Variants in PCDHGB2 observed in about 807,000 individuals in gnomAD.
PCDHGB2 encodes the protein protocadherin gamma-B2.
Under a neutral mutation model 59.3 loss-of-function variants are expected in PCDHGB2, and 55 were observed. The ratio of observed to expected loss-of-function variants is 0.93; its 90% CI spans 0.75 to 1.16. The LOEUF (loss-of-function observed/expected upper bound fraction) is 1.16. PCDHGB2 is among the 50% of genes most tolerant of loss of function. PCDHGB2 has a pLI of 0.00. For missense variants in PCDHGB2, 1,228 were observed against 1,198.5 expected, an observed-to-expected ratio of 1.02 and a Z score of -0.36; for synonymous variants, 516 against 512.0, an observed-to-expected ratio of 1.01 and a Z score of -0.11.
At chr5:141,409,516 C>T (rs1303826331) in intron 1 of PCDHGB2, 6 of 1,614,006 alleles carry the variant, frequency 3.7e-6, no homozygotes, top group South Asian at 1.1e-5. Context: ...GTAGAAGCAT[C>T]ACCTTGTATG....
rs1256615029 is a variant in PCDHGB2 at position 141,512,740 on chromosome 5, C to T, written c.*1567C>T. ...GCGGGTGGGCAGCGGGCGGCGGGCT[C>T]CGCGCAGCCGTCTGTCCTTGATCTG... On this transcript the variant is annotated 3_prime_UTR_variant, in exon 4 of 4. Transcript: ENST00000522605. 1 of 152,788 alleles carries T rather than the reference C, an allele frequency of 6.5e-6. No individual in the cohort carries two copies. The highest frequency in any genetic ancestry group is 1.5e-5 in the Non-Finnish European group (1 of 68,570). The allele number at this position is 152,788 out of a possible 1,614,324, so 9.5% of individuals were successfully genotyped here.
chr5:141,443,226 A>T (rs2098374954), intron 1 of PCDHGB2, among the ~76,000 whole-genome samples: 1 of 152,042 alleles, frequency 6.6e-6, no homozygotes, highest in Non-Finnish European at 1.5e-5. Flanking sequence ...CGCATCTATA[A>T]TCTTAGCACT....
intron 1 of PCDHGB2, chr5:141,408,855 G>A: frequency 6.2e-7 from 1 of 1,613,572 alleles, no homozygotes; most frequent in Non-Finnish European, 8.5e-7. Flanking sequence ...TTGGACGGAG[G>A]GGACCCACCA....
intron 1 of PCDHGB2, chr5:141,395,341 G>T: frequency 7.1e-7 from 1 of 1,409,696 alleles, no homozygotes; most frequent in Non-Finnish European, 9.4e-7. Flanking sequence ...AATTTTTAAG[G>T]TGTATCACAG....
chr5:141,457,806 G>A (rs1321207711), intron 1 of PCDHGB2, among the ~76,000 whole-genome samples: 1 of 152,150 alleles, frequency 6.6e-6, no homozygotes, highest in Non-Finnish European at 1.5e-5. Context: ...CTCCTCTTGA[G>A]GTCCCAAGAT....
At chr5:141,474,658 A>G (rs950490550) in intron 1 of PCDHGB2, among the ~76,000 whole-genome samples, 13 of 152,176 alleles carry the variant, frequency 8.5e-5, no homozygotes, top group African/African-American at 3.1e-4. Flanking sequence ...CTTCTTTTCT[A>G]CCTACCTAAC....
intron 1 of PCDHGB2, chr5:141,409,242 T>C (rs372196346): frequency 1.4e-5 from 22 of 1,613,864 alleles, no homozygotes; most frequent in Middle Eastern, 1.6e-4. Context: ...AGCCCAGAAA[T>C]AATCATCACT....
chr5:141,377,732 C>A (rs554693714), intron 1 of PCDHGB2: 2 of 152,264 alleles, frequency 1.3e-5, no homozygotes, highest in African/African-American at 4.8e-5. Flanking sequence ...AGATAAGAAT[C>A]ATTGGTAACT....
chr5:141,395,162 G>C, intron 1 of PCDHGB2: 1 of 1,614,148 alleles, frequency 6.2e-7, no homozygotes, highest in Non-Finnish European at 8.5e-7. Flanking sequence ...TCAGTCAGGA[G>C]GGCTGTGAGA....
Position 141,512,147 on chromosome 5 carries a change from GGCTGA to G in PCDHGB2, c.*978_*982del, listed in dbSNP as rs1406468661. The G allele has an allele frequency of 1.3e-5, 2 of 152,652 alleles. No homozygotes were observed. Among genetic ancestry groups the G allele is most frequent in the Admixed American group, 6.5e-5 (1 of 15,286 alleles). The allele number at this position is 152,652 out of a possible 1,614,324, so 9.5% of individuals were successfully genotyped here. A position where few individuals can be genotyped will look rare whatever the true frequency, so the allele number is the denominator to read the frequency against. On this transcript the variant is annotated 3_prime_UTR_variant, in exon 4 of 4. Coordinates refer to ENST00000522605, the MANE Select transcript of PCDHGB2 (RefSeq NM_018923.3). ...GGCTCAGCCCAGGCAGCCAGCTTTG[GGCTGA>G]GCTAACAGGACCAATGGATTAAACT... is the stretch of plus-strand genomic sequence containing the variant.
Position 141,490,973 on chromosome 5 carries a change from G to A in PCDHGB2, c.2422-3834G>A, listed in dbSNP as rs774983500. 5.0e-6 allele frequency: 8 copies of A among 1,613,932 alleles called. No homozygotes were observed. The highest frequency in any genetic ancestry group is 2.2e-5 in the East Asian group (1 of 44,878). On this transcript the variant is annotated intron_variant, in intron 1 of 3. Transcript: ENST00000522605. The surrounding 1 kb of genome is among the most constrained non-coding windows in gnomAD (Gnocchi z 5.4). ...GACTGGGAACACTCAGCCCCCCAGC[G>A]TCTCCCTCGCTCTGCTCCTCCTGGC...
intron 1 of PCDHGB2, among the ~76,000 whole-genome samples, chr5:141,397,686 T>C (rs963267542): frequency 7.2e-5 from 11 of 152,372 alleles, no homozygotes; most frequent in Middle Eastern, 3.4e-3. Flanking sequence ...TGCAGGTTTG[T>C]ATAAAAACCC....
intron 1 of PCDHGB2, chr5:141,413,487 G>A (rs1190400492): frequency 1.9e-6 from 3 of 1,613,928 alleles, no homozygotes; most frequent in African/African-American, 2.7e-5. Context: ...CTCAGAGCGC[G>A]CGGTGCGTGG....
At position 141,415,520 on chromosome 5, in the gene PCDHGB2, C is replaced by A. The variant is rs200535016; in HGVS notation, c.2421+52964C>A. The A allele has an allele frequency of 1.8e-4, 288 of 1,614,072 alleles. 3 individuals carry two copies. The highest frequency in any genetic ancestry group is 6.7e-5 in the Non-Finnish European group (79 of 1,180,044). On this transcript the variant is annotated intron_variant, in intron 1 of 3. Coordinates refer to ENST00000522605, the MANE Select transcript of PCDHGB2 (RefSeq NM_018923.3). Reference sequence around the variant, plus strand: ...TTCCCCCAGCCCAATTATGCGGACACGCTCATCAGCCAGGAGAGCTGTGAG... The same window carrying A: ...TTCCCCCAGCCCAATTATGCGGACAAGCTCATCAGCCAGGAGAGCTGTGAG...
intron 1 of PCDHGB2, chr5:141,374,219 G>C: frequency 6.2e-7 from 1 of 1,614,020 alleles, no homozygotes; most frequent in African/African-American, 1.3e-5. Flanking sequence ...CTCCTTCGTA[G>C]GCAACATCGT....
At chr5:141,503,936 C>G (rs2099834285) in intron 2 of PCDHGB2, among the ~76,000 whole-genome samples, 1 of 152,186 alleles carries the variant, frequency 6.6e-6, no homozygotes, top group Non-Finnish European at 1.5e-5. Flanking sequence ...CATTTTCATG[C>G]CTTCAAGGCC....
intron 1 of PCDHGB2, among the ~76,000 whole-genome samples, chr5:141,463,896 T>C (rs982611169): frequency 2.0e-5 from 3 of 152,192 alleles, no homozygotes; most frequent in African/African-American, 7.2e-5. Flanking sequence ...CCTTGCTTTT[T>C]GTACTAATAA....
At chr5:141,371,101 A>T (rs766194298) in intron 1 of PCDHGB2, 2 of 1,613,794 alleles carry the variant, frequency 1.2e-6, no homozygotes, top group South Asian at 1.1e-5. Context: ...GCAGATGCAA[A>T]TGATAACCCC....
intron 1 of PCDHGB2, chr5:141,385,109 C>A: frequency 6.2e-7 from 1 of 1,614,174 alleles, no homozygotes; most frequent in South Asian, 1.1e-5. Flanking sequence ...AACGTGCCCA[C>A]CTCGCACTTT....
Sources: allele counts gnomAD v4.1 joint callset (sites outside exome capture counted in the v4.1 genomes callset), GRCh38; gene constraint gnomAD v4.1.1; non-coding constraint Gnocchi (gnomAD v3.1); transcripts MANE v1.5; gene names NCBI Gene and HGNC (gene_info 2026-07-23, HGNC 2026-07-21).